Variants in CEP63 observed in about 807,000 individuals in gnomAD.
The protein encoded by CEP63 is centrosomal protein 63.
In CEP63, 84 loss-of-function variants were observed where a neutral mutation model predicts 89.1. The observed-to-expected ratio is 0.94, with a 90% CI of 0.79 to 1.13. CEP63 has a LOEUF of 1.13. CEP63 is among the 50% of genes most tolerant of loss of function. CEP63 has a pLI of 0.00. For missense variants in CEP63, 838 were observed against 813.3 expected (o/e 1.03, Z -0.37); for synonymous variants, 267 against 272.5 (o/e 0.98, Z 0.20).
chr3:134,776,133 C>G, the CEP63 span, among the ~76,000 whole-genome samples: 1 of 152,180 alleles, frequency 6.6e-6, no homozygotes, highest in Non-Finnish European at 1.5e-5. Flanking sequence ...TACCATGCAC[C>G]GCAACCCATC....
downstream of CEP63, among the ~76,000 whole-genome samples, chr3:134,565,740 A>G (rs947042997): frequency 2.0e-5 from 3 of 152,140 alleles, no homozygotes; most frequent in Non-Finnish European, 4.4e-5. Flanking sequence ...GCAGAGGAGA[A>G]AACATTTACC....
the CEP63 span, chr3:134,629,746 G>T: frequency 3.5e-6 from 4 of 1,149,366 alleles, no homozygotes; most frequent in Non-Finnish European, 5.1e-6. Flanking sequence ...CCAGGAAAGG[G>T]TGAATGCCTC....
chr3:134,603,753 A>G, the CEP63 span: 4 of 1,612,242 alleles, frequency 2.5e-6, no homozygotes, highest in Non-Finnish European at 3.4e-6. Flanking sequence ...GGACTTTGGC[A>G]ATACCATGCA....
At chr3:134,663,261 G>C in the CEP63 span, among the ~76,000 whole-genome samples, 8 of 152,312 alleles carry the variant, frequency 5.3e-5, no homozygotes, top group African/African-American at 9.6e-5. Flanking sequence ...GTTCTGATGA[G>C]TCTCTGAGGA....
the CEP63 span, among the ~76,000 whole-genome samples, chr3:134,664,334 T>G: frequency 6.6e-6 from 1 of 152,202 alleles, no homozygotes; most frequent in Middle Eastern, 3.2e-3. Flanking sequence ...AATGAGGCAA[T>G]GCAGAGTGTG....
chr3:134,611,107 C>A, the CEP63 span, among the ~76,000 whole-genome samples: 1 of 152,208 alleles, frequency 6.6e-6, no homozygotes, highest in Admixed American at 6.5e-5. Context: ...CATTTGCTGA[C>A]TGCCTGCCCT....
the CEP63 span, chr3:134,629,473 G>C: frequency 1.6e-6 from 1 of 619,738 alleles, no homozygotes; most frequent in Non-Finnish European, 2.9e-6. Context: ...CCAGGATAAA[G>C]CTGTCATGCT....
At position 134,507,130 on chromosome 3, in the gene CEP63, A is replaced by G; in HGVS notation, c.66A>G (p.Glu22=). The G allele has an allele frequency of 6.2e-7, 1 of 1,613,726 alleles. No homozygotes were observed. Among genetic ancestry groups the G allele is most frequent in the South Asian group, 1.1e-5 (1 of 91,072 alleles). ...GHGGGFLTSC[E]AELQELMKQI... ...ATAGGGGATTTTTGACATCTTGTGA[A>G]GCAGAACTACAGGAGCTCATGAAAC... Residue 22 remains glutamate (E), a synonymous_variant, in exon 3 of 15, where the codon GAA becomes GAG. Coordinates refer to ENST00000675561, the MANE Select transcript of CEP63 (RefSeq NM_001353108.3).
the CEP63 span, among the ~76,000 whole-genome samples, chr3:134,614,461 T>G: frequency 6.6e-6 from 1 of 152,032 alleles, no homozygotes. Context: ...TGGAGAAAGC[T>G]GCAGCCCCCA....
chr3:134,527,419 A>G (rs1230983580), intron 3 of CEP63, among the ~76,000 whole-genome samples: 2 of 152,044 alleles, frequency 1.3e-5, no homozygotes, highest in African/African-American at 4.8e-5. Flanking sequence ...AGGAAGGGGC[A>G]CTGGTGGAGG....
Position 134,563,909 on chromosome 3 carries a change from G to A in CEP63, c.*2374G>A, listed in dbSNP as rs1172959753. 6.6e-6 allele frequency: 1 copy of A among 152,220 alleles called. No homozygotes were observed. The highest frequency in any genetic ancestry group is 1.5e-5 in the Non-Finnish European group (1 of 68,114). The allele number at this position is 152,220 out of a possible 1,614,324, so 9.4% of individuals were successfully genotyped here. On this transcript the variant is annotated 3_prime_UTR_variant, in exon 15 of 15. Coordinates refer to ENST00000675561, the MANE Select transcript of CEP63 (RefSeq NM_001353108.3). ...GGGTCTTTCATTTGCAGTTTACCCTGAATATTCCCTTTCTCTTACCTCACC... is the reference window on the plus strand; with the variant it reads ...GGGTCTTTCATTTGCAGTTTACCCTAAATATTCCCTTTCTCTTACCTCACC...
the CEP63 span, among the ~76,000 whole-genome samples, chr3:134,710,541 T>C: frequency 6.6e-6 from 1 of 152,162 alleles, no homozygotes; most frequent in East Asian, 1.9e-4. Context: ...ATTCAAACAG[T>C]GTGGCCTGGC....
the CEP63 span, among the ~76,000 whole-genome samples, chr3:134,634,213 G>A: frequency 1.2e-4 from 18 of 152,038 alleles, no homozygotes; most frequent in African/African-American, 4.3e-4. Context: ...TTTAATGCAA[G>A]TTCAACCAAA....
the CEP63 span, among the ~76,000 whole-genome samples, chr3:134,683,266 A>C: frequency 2.0e-5 from 3 of 152,246 alleles, no homozygotes; most frequent in Non-Finnish European, 2.9e-5. Flanking sequence ...TTTTGAATCC[A>C]TGATCTTGAA....
At chr3:134,585,953 G>C (rs1049075773) in intron 10 of CEP63, among the ~76,000 whole-genome samples, 1 of 152,006 alleles carries the variant, frequency 6.6e-6, no homozygotes, top group South Asian at 2.1e-4. Context: ...TTATGTAATG[G>C]CCTTCTTTGT....
chr3:134,711,970 T>C, the CEP63 span, among the ~76,000 whole-genome samples: 1 of 152,028 alleles, frequency 6.6e-6, no homozygotes, highest in African/African-American at 2.4e-5. Context: ...TCCATGTTGG[T>C]CTCAAACTCC....
intron 6 of CEP63, among the ~76,000 whole-genome samples, chr3:134,542,787 A>G (rs1034240275): frequency 4.6e-5 from 7 of 152,118 alleles, no homozygotes; most frequent in Non-Finnish European, 8.8e-5. Flanking sequence ...AGTCTCCCTG[A>G]TGTAAACTGC....
the CEP63 span, chr3:134,651,757 G>C: frequency 5.8e-6 from 2 of 343,614 alleles, no homozygotes; most frequent in Non-Finnish European, 8.2e-6. Context: ...GGGAAGGAGG[G>C]AGGGGGAGAG....
intron 14 of CEP63, among the ~76,000 whole-genome samples, chr3:134,560,446 C>T (rs1957144651): frequency 6.6e-6 from 1 of 152,246 alleles, no homozygotes; most frequent in African/African-American, 2.4e-5. Flanking sequence ...CCGACTTGCA[C>T]AATCCCAGCC....
Sources: gnomAD v4.1 joint callset for allele counts (sites outside exome capture counted in the v4.1 genomes callset) on GRCh38, gnomAD v4.1.1 for gene constraint, MANE v1.5 for transcripts, NCBI Gene and HGNC (gene_info 2026-07-23, HGNC 2026-07-21) for gene names.